RSPO4: variants seen among roughly 807,000 people sequenced by gnomAD.
The protein encoded by RSPO4 is R-spondin-4.
Under a neutral mutation model 24.8 loss-of-function variants are expected in RSPO4, and 23 were observed. That is an observed-to-expected ratio of 0.93 (90% CI 0.67 to 1.31). The LOEUF (loss-of-function observed/expected upper bound fraction) is 1.31, where lower values mean the gene tolerates loss of function less well. RSPO4 is among the 40% of genes most tolerant of loss of function. The pLI, the probability that RSPO4 is intolerant of heterozygous loss-of-function variation, is 0.00. For synonymous variants in RSPO4, 141 were observed against 127.4 expected (o/e 1.11, Z -0.72); for missense variants, 333 against 316.5 (o/e 1.05, Z -0.39).
intron 1 of RSPO4, among the ~76,000 whole-genome samples, chr20:977,939 C>T (rs969007519): frequency 6.6e-6 from 1 of 152,238 alleles, no homozygotes; most frequent in African/African-American, 2.4e-5. Context: ...CGCCTGCCCA[C>T]TCAGGCCTCC....
chr20:997,000 T>C (rs922210689), intron 1 of RSPO4, among the ~76,000 whole-genome samples: 1 of 152,210 alleles, frequency 6.6e-6, no homozygotes, highest in African/African-American at 2.4e-5. Flanking sequence ...TTCATTTCTA[T>C]ATCTATTGCA....
intron 4 of RSPO4, among the ~76,000 whole-genome samples, chr20:963,192 C>G (rs1471691181): frequency 1.3e-5 from 2 of 152,188 alleles, no homozygotes; most frequent in East Asian, 3.9e-4. Context: ...GGGACAGTCC[C>G]CCGCAAAGAC....
rs771015213 is a variant in RSPO4 at position 964,827 on chromosome 20, CACACATAT to C, written c.410-715_410-708del. Among the ~76,000 whole-genome samples the C allele has an allele frequency of 1.3e-3, 121 of 91,684 alleles. 1 individual carries two copies. Among genetic ancestry groups the C allele is most frequent in the African/African-American group, 3.1e-3 (79 of 25,614 alleles). The allele number at this position is 91,684 out of a possible 152,430, so 60.1% of individuals were successfully genotyped here. A position where few individuals can be genotyped will look rare whatever the true frequency, so the allele number is the denominator to read the frequency against. ...ACATACACACACACACACACACACA[CACACATAT>C]ATATATATATATACTTTGATTATTT... is the stretch of plus-strand genomic sequence containing the variant. On this transcript the variant is annotated intron_variant, in intron 3 of 4. Coordinates refer to ENST00000217260, the MANE Select transcript of RSPO4 (RefSeq NM_001029871.4).
chr20:962,337 G>T (rs554288333), intron 4 of RSPO4, among the ~76,000 whole-genome samples: 1 of 152,180 alleles, frequency 6.6e-6, no homozygotes, highest in African/African-American at 2.4e-5. Context: ...GAGCTACAGC[G>T]GGGTTGTTGC....
intron 1 of RSPO4, among the ~76,000 whole-genome samples, chr20:975,169 G>A (rs955717704): frequency 1.2e-4 from 19 of 152,140 alleles, no homozygotes; most frequent in African/African-American, 3.6e-4. Context: ...CTGCTTTGGC[G>A]CGGATGAGGA....
chr20:973,467 T>TTTGC (rs150255981), intron 1 of RSPO4, among the ~76,000 whole-genome samples: 39 of 120,604 alleles, frequency 3.2e-4, no homozygotes, highest in Non-Finnish European at 5.4e-4. Flanking sequence ...TTATTGTTTG[T>TTTGC]TTGTTTGTTT....
intron 1 of RSPO4, among the ~76,000 whole-genome samples, chr20:971,140 C>T (rs949280957): frequency 3.9e-5 from 6 of 152,236 alleles, no homozygotes; most frequent in Admixed American, 2.6e-4. Context: ...CCACGACTGG[C>T]CTGATGTCTC....
chr20:989,417 G>A (rs12329573), intron 1 of RSPO4, among the ~76,000 whole-genome samples: 5,915 of 152,302 alleles, frequency 0.039, 423 homozygotes, highest in African/African-American at 0.13. Flanking sequence ...ACCTGGCTGT[G>A]TGCCCAGCTC....
At chr20:977,936 C>T (rs1314955993) in intron 1 of RSPO4, among the ~76,000 whole-genome samples, 1 of 152,200 alleles carries the variant, frequency 6.6e-6, no homozygotes, top group Non-Finnish European at 1.5e-5. Flanking sequence ...ACCCGCCTGC[C>T]CACTCAGGCC....
At position 964,011 on chromosome 20, in the gene RSPO4, A is replaced by AGCCCGGCCAGCCTCTCGT. The variant is rs761301088; in HGVS notation, c.501_518dup (p.Arg168_Ala173dup). On this transcript the variant is annotated inframe_insertion, in exon 4 of 5. Coordinates refer to ENST00000217260, the MANE Select transcript of RSPO4 (RefSeq NM_001029871.4). ...GGCAGGTGGCTGCCTCCTCATGCCC[A>AGCCCGGCCAGCCTCTCGT]GCCCGGCCAGCCTCTCGTACCCGGC... 4 of 1,613,776 alleles carry AGCCCGGCCAGCCTCTCGT rather than the reference A, an allele frequency of 2.5e-6. No individual in the cohort carries two copies. The South Asian group carries it at 4.4e-5, about 18-fold the overall frequency.
At chr20:976,549 C>A (rs977548126) in intron 1 of RSPO4, among the ~76,000 whole-genome samples, 1 of 152,148 alleles carries the variant, frequency 6.6e-6, no homozygotes, top group Non-Finnish European at 1.5e-5. Context: ...AACGGCTCAA[C>A]ATGTGCAAGT....
chr20:978,123 T>A (rs966804475), intron 1 of RSPO4, among the ~76,000 whole-genome samples: 3 of 152,188 alleles, frequency 2.0e-5, no homozygotes, highest in Non-Finnish European at 2.9e-5. Context: ...TGGACCCTTC[T>A]CAGCACTCAG....
Position 1,002,005 on chromosome 20 carries a change from A to G in RSPO4, c.79+81T>C. 8.0e-7 allele frequency: 1 copy of G among 1,255,626 alleles called. No individual in the cohort carries two copies. Among genetic ancestry groups the G allele is most frequent in the East Asian group, 2.6e-5 (1 of 38,414 alleles). The allele number at this position is 1,255,626 out of a possible 1,614,324, so 77.8% of individuals were successfully genotyped here. On this transcript the variant is annotated intron_variant, in intron 1 of 4. Coordinates refer to ENST00000217260, the MANE Select transcript of RSPO4 (RefSeq NM_001029871.4). This position sits in a 1 kb window ranked among gnomAD's most constrained non-coding sequence, Gnocchi z 4.6. ...CGCCAGGCACCAGGCAGATGCCCCCAGAGCCGCCGCCCCCGGTCCTCCGGC... is the reference window on the plus strand; with the variant it reads ...CGCCAGGCACCAGGCAGATGCCCCCGGAGCCGCCGCCCCCGGTCCTCCGGC...
chr20:995,789 A>T (rs975070773), intron 1 of RSPO4, among the ~76,000 whole-genome samples: 1 of 152,130 alleles, frequency 6.6e-6, no homozygotes, highest in African/African-American at 2.4e-5. Context: ...GCCATGACTG[A>T]AAGGGGCTGA....
At chr20:989,572 T>C (rs568168637) in intron 1 of RSPO4, among the ~76,000 whole-genome samples, 1 of 152,172 alleles carries the variant, frequency 6.6e-6, no homozygotes, top group Middle Eastern at 3.4e-3. Context: ...ACCCAGTGCA[T>C]GGTGGGGGTG....
rs561836530 is a variant in RSPO4 at position 970,904 on chromosome 20, T to C, written c.80-2766A>G. Among the ~76,000 whole-genome samples, 1 of 152,292 alleles carries C rather than the reference T, an allele frequency of 6.6e-6. No homozygotes were observed. Among genetic ancestry groups the C allele is most frequent in the South Asian group, 2.1e-4 (1 of 4,830 alleles). On this transcript the variant is annotated intron_variant, in intron 1 of 4. Transcript: ENST00000217260. This position sits in a 1 kb window ranked among gnomAD's most constrained non-coding sequence, Gnocchi z 4.1. ...TCACCCAGGCTCCAGTGCAGTGGCA[T>C]GATCCTAAGCTCACTGCAGCCTCAA...
chr20:988,725 A>C (rs933786170), intron 1 of RSPO4, among the ~76,000 whole-genome samples: 2 of 151,888 alleles, frequency 1.3e-5, no homozygotes, highest in Non-Finnish European at 2.9e-5. Flanking sequence ...TAATTTTTGT[A>C]ATTTTAGTAG....
rs780311755 is a variant in RSPO4 at position 1,002,181 on chromosome 20, G to C, written c.-17C>G. On this transcript the variant is annotated 5_prime_UTR_variant, in exon 1 of 5. Coordinates refer to ENST00000217260, the MANE Select transcript of RSPO4 (RefSeq NM_001029871.4). The surrounding 1 kb of genome is among the most constrained non-coding windows in gnomAD (Gnocchi z 4.6). ...CGCCCGCATCTGGGCAGCCGGATCC[G>C]GGCTGGCGCTCCCCAGGCGGCCCGA... 1.1e-5 allele frequency: 16 copies of C among 1,519,822 alleles called. No individual in the cohort carries two copies. In the East Asian group the frequency reaches 2.1e-4, roughly 20 times the overall value. 94.1% of individuals were successfully genotyped at this position (1,519,822 alleles called of 1,614,324 possible).
chr20:980,796 G>C (rs1441818155), intron 1 of RSPO4, among the ~76,000 whole-genome samples: 3 of 152,150 alleles, frequency 2.0e-5, no homozygotes, highest in Non-Finnish European at 4.4e-5. Flanking sequence ...TTAAAAACAA[G>C]AGGTGCTGTC....
Sources: gnomAD v4.1 joint callset for allele counts (sites outside exome capture counted in the v4.1 genomes callset) on GRCh38, gnomAD v4.1.1 for gene constraint, Gnocchi (gnomAD v3.1) non-coding constraint, MANE v1.5 for transcripts, NCBI Gene and HGNC (gene_info 2026-07-23, HGNC 2026-07-21) for gene names.